Variants in SNX7 observed in about 807,000 individuals in gnomAD.
SNX7 encodes sorting nexin-7.
Under a neutral mutation model 48.4 loss-of-function variants are expected in SNX7, and 35 were observed. That is an observed-to-expected ratio of 0.72 (90% CI 0.55 to 0.96). The LOEUF is 0.96. SNX7 is among the 40% of genes least tolerant of loss of function. The pLI, the probability that SNX7 is intolerant of heterozygous loss-of-function variation, is 0.00. For missense variants in SNX7, 553 were observed against 548.9 expected (o/e 1.01, Z -0.07); for synonymous variants, 190 against 190.2 (o/e 1.00, Z 0.01).
chr1:98,739,244 A>G (rs11166096), intron 8 of SNX7, among the ~76,000 whole-genome samples: 1,943 of 152,254 alleles, frequency 0.013, 55 homozygotes, highest in African/African-American at 0.045. Context: ...AGTAGAGCTC[A>G]GGCAGTAATG....
intron 6 of SNX7, among the ~76,000 whole-genome samples, chr1:98,701,586 A>G (rs1048669471): frequency 3.9e-5 from 6 of 152,038 alleles, no homozygotes; most frequent in Non-Finnish European, 8.8e-5. Context: ...GTGCATTAGG[A>G]AAACTAATAA....
chr1:98,663,263 T>G lies in SNX7; in HGVS notation c.180+1352T>G, dbSNP rs1341257388. 1.2e-3 allele frequency among the ~76,000 whole-genome samples: 30 copies of G among 24,546 alleles called. 1 individual carries two copies. Among genetic ancestry groups the G allele is most frequent in the Middle Eastern group, 0.043 (2 of 46 alleles). The allele number at this position is 24,546 out of a possible 152,430, so 16.1% of individuals were successfully genotyped here. ...CAGGGTTTCTTTCTGGTTTTTTTTTTTTTTTTTTTTTTTTTTTTTTTTTTT... is the reference window on the plus strand; with the variant it reads ...CAGGGTTTCTTTCTGGTTTTTTTTTGTTTTTTTTTTTTTTTTTTTTTTTTT... On this transcript the variant is annotated intron_variant, in intron 1 of 8. Transcript: ENST00000306121.
At chr1:98,757,180 G>A (rs1052869093) in intron 8 of SNX7, among the ~76,000 whole-genome samples, 8 of 152,076 alleles carry the variant, frequency 5.3e-5, no homozygotes, top group African/African-American at 1.9e-4. Flanking sequence ...AGAACTGTGA[G>A]GCAATTAAAC....
At chr1:98,718,269 T>C (rs1319210313) in intron 7 of SNX7, among the ~76,000 whole-genome samples, 1 of 152,110 alleles carries the variant, frequency 6.6e-6, no homozygotes, top group African/African-American at 2.4e-5. Context: ...TATTAAATAA[T>C]ACATTAATAT....
At chr1:98,710,844 T>C (rs1441246899) in intron 7 of SNX7, among the ~76,000 whole-genome samples, 2 of 152,218 alleles carry the variant, frequency 1.3e-5, no homozygotes, top group Admixed American at 6.5e-5. Flanking sequence ...AATCAGACAT[T>C]AATTATTCTT....
intron 6 of SNX7, 118 bp from the exon 7 acceptor site, chr1:98,701,699 A>T (rs1227588392): frequency 1.1e-5 from 7 of 617,722 alleles, no homozygotes; most frequent in Non-Finnish European, 1.9e-5. Flanking sequence ...TTATATCCCC[A>T]AATGACTGAT....
rs905411649 is a variant in SNX7, at chr1:98,701,242, A to G, written c.1039-575A>G. ...AGAAACTCCTATCAAAGAGGAGGCT[A>G]TGATCTCTCATCCAAAGCTTGGCTA... On this transcript the variant is annotated intron_variant, in intron 6 of 8. Transcript: ENST00000306121. Among the ~76,000 whole-genome samples the G allele has an allele frequency of 1.5e-4, 23 of 152,310 alleles. No individual in the cohort carries two copies. The East Asian group carries it at 1.7e-3, about 11-fold the overall frequency.
intron 8 of SNX7, among the ~76,000 whole-genome samples, chr1:98,745,956 C>T (rs748756832): frequency 6.6e-6 from 1 of 151,978 alleles, no homozygotes; most frequent in Non-Finnish European, 1.5e-5. Context: ...TTAACCTTGT[C>T]CTTTTAACCA....
chr1:98,705,141 G>A (rs929303641), intron 7 of SNX7, among the ~76,000 whole-genome samples: 3 of 152,142 alleles, frequency 2.0e-5, no homozygotes, highest in Non-Finnish European at 4.4e-5. Context: ...GTGAGTCCTT[G>A]ATGCATTACA....
At chr1:98,670,566 G>A (rs1649795208) in intron 1 of SNX7, among the ~76,000 whole-genome samples, 1 of 152,188 alleles carries the variant, frequency 6.6e-6, no homozygotes, top group East Asian at 1.9e-4. Flanking sequence ...CTAATCATGT[G>A]TTACAGCTGC....
intron 1 of SNX7, among the ~76,000 whole-genome samples, chr1:98,672,797 G>A (rs1257886543): frequency 2.7e-5 from 4 of 150,664 alleles, no homozygotes; most frequent in Non-Finnish European, 4.4e-5. Flanking sequence ...GGTGGCGGGC[G>A]CCTGTAGTCC....
chr1:98,696,528 G>A (rs910436059), intron 5 of SNX7, among the ~76,000 whole-genome samples: 2 of 151,856 alleles, frequency 1.3e-5, no homozygotes, highest in South Asian at 4.1e-4. Flanking sequence ...CATAAGATTT[G>A]GAATGGTGTA....
intron 8 of SNX7, among the ~76,000 whole-genome samples, chr1:98,755,957 G>T (rs982469654): frequency 6.6e-6 from 1 of 151,898 alleles, no homozygotes; most frequent in Non-Finnish European, 1.5e-5. Context: ...TTATCTTGCT[G>T]TGTTTTATTT....
intron 7 of SNX7, among the ~76,000 whole-genome samples, chr1:98,731,151 C>CTTTTTTTTT (rs368167768): frequency 7.0e-6 from 1 of 143,712 alleles, no homozygotes; most frequent in Non-Finnish European, 1.5e-5. Flanking sequence ...GTATTCCTGC[C>CTTTTTTTTT]TTTTTTTTTT....
chr1:98,670,319 C>T (rs566220341), intron 1 of SNX7, among the ~76,000 whole-genome samples: 2 of 152,150 alleles, frequency 1.3e-5, no homozygotes, highest in South Asian at 4.2e-4. Context: ...TATAATAGCA[C>T]CTGCCTCAGG....
At chr1:98,736,402 G>C (rs1653783264) in intron 7 of SNX7, among the ~76,000 whole-genome samples, 1 of 152,142 alleles carries the variant, frequency 6.6e-6, no homozygotes, top group African/African-American at 2.4e-5. Flanking sequence ...TCTCCTAGCA[G>C]ACCCAGATCC....
At chr1:98,727,409 GAGAA>G (rs1413447543) in intron 7 of SNX7, among the ~76,000 whole-genome samples, 1 of 152,032 alleles carries the variant, frequency 6.6e-6, no homozygotes, top group Non-Finnish European at 1.5e-5. Flanking sequence ...TCAGGAAGAT[GAGAA>G]AGAATCAACC....
chr1:98,727,522 G>A (rs1054925612), intron 7 of SNX7, among the ~76,000 whole-genome samples: 3 of 152,112 alleles, frequency 2.0e-5, no homozygotes, highest in Admixed American at 6.6e-5. Flanking sequence ...GGCTGAGGCT[G>A]AGACGGATGA....
In SNX7 at chr1:98,712,103, C is replaced by T. The variant is rs141718401; in HGVS notation, c.1125+10200C>T. On this transcript the variant is annotated intron_variant, in intron 7 of 8. Coordinates refer to ENST00000306121, the MANE Select transcript of SNX7 (RefSeq NM_015976.5). ...ATAGTTCTCTACTATTTCTGCCACA[C>T]CTGCAGTTACTTCCTCCACTGAAGT... Among the ~76,000 whole-genome samples, 15 of 152,278 alleles carry T rather than the reference C, an allele frequency of 9.9e-5. No individual in the cohort carries two copies. In the East Asian group the frequency reaches 2.7e-3, roughly 27 times the overall value.
Sources: gnomAD v4.1 joint callset for allele counts (sites outside exome capture counted in the v4.1 genomes callset) on GRCh38, gnomAD v4.1.1 for gene constraint, MANE v1.5 for transcripts, NCBI Gene and HGNC (gene_info 2026-07-23, HGNC 2026-07-21) for gene names.